The following ZC3H13 variants were observed in gnomAD, a reference collection of about 807,000 sequenced individuals.
The protein encoded by ZC3H13 is zinc finger CCCH-type containing 13.
A neutral mutation model predicts 204.1 loss-of-function variants in ZC3H13; 64 were observed. The ratio of observed to expected loss-of-function variants is 0.31; its 90% CI spans 0.26 to 0.39. The LOEUF (loss-of-function observed/expected upper bound fraction) is 0.39, where lower values mean the gene tolerates loss of function less well. Among genes scored for constraint, ZC3H13 ranks in the 10% least tolerant of loss-of-function variants. The pLI is 1.00. For synonymous variants in ZC3H13, 667 were observed against 693.7 expected (o/e 0.96, Z 0.60); for missense variants, 1,833 against 2,082.7 (o/e 0.88, Z 2.33).
At chr13:45,983,798 A>G (rs564625750) in intron 10 of ZC3H13, among the ~76,000 whole-genome samples, 22 of 152,198 alleles carry the variant, frequency 1.4e-4, no homozygotes, top group Non-Finnish European at 3.1e-4. Flanking sequence ...TAATAATCAG[A>G]AAAGAAGAGC....
chr13:45,962,712 T>A, intron 17 of ZC3H13: 1 of 981,792 alleles, frequency 1.0e-6, no homozygotes, highest in Non-Finnish European at 1.2e-6. Flanking sequence ...AAACAATATT[T>A]TTTTATTTTG....
At chr13:46,008,413 T>C (rs1442505431) in intron 7 of ZC3H13, among the ~76,000 whole-genome samples, 1 of 152,142 alleles carries the variant, frequency 6.6e-6, no homozygotes, top group Non-Finnish European at 1.5e-5. Context: ...GCTTTTATTA[T>C]TAAATTAACG....
rs571348201 is a variant in ZC3H13, at chr13:45,961,133, G to GT, written c.4676-1488dup. Among the ~76,000 whole-genome samples the GT allele has an allele frequency of 2.7e-4, 41 of 152,162 alleles. No individual in the cohort carries two copies. In the South Asian group the frequency reaches 7.9e-3, roughly 29 times the overall value. ...AATACCTTAAGGGAAAAAAGGGGCAGTTTTTTCAGATGATTCAGATATACC... is the reference window on the plus strand; with the variant it reads ...AATACCTTAAGGGAAAAAAGGGGCAGTTTTTTTCAGATGATTCAGATATACC... On this transcript the variant is annotated intron_variant, in intron 17 of 18. Coordinates refer to ENST00000679008, the MANE Select transcript of ZC3H13 (RefSeq NM_001330564.2).
chr13:45,979,438 G>C (rs1360104398), intron 11 of ZC3H13, among the ~76,000 whole-genome samples: 2 of 151,880 alleles, frequency 1.3e-5, no homozygotes, highest in Non-Finnish European at 2.9e-5. Flanking sequence ...ATTGATCATA[G>C]CAAATGAGTG....
At chr13:45,965,222 T>A in intron 16 of ZC3H13, 58 bp downstream of exon 16, 1 of 1,569,482 alleles carries the variant, frequency 6.4e-7, no homozygotes, top group South Asian at 1.2e-5. Flanking sequence ...AAGGTAATAA[T>A]ACTTTAATAT....
intron 6 of ZC3H13, 89 bp from the exon 7 acceptor site, chr13:46,010,594 A>C: frequency 7.3e-7 from 1 of 1,377,338 alleles, no homozygotes; most frequent in East Asian, 2.3e-5. Flanking sequence ...ACCAAACTTC[A>C]GATTAAAATT....
chr13:45,973,146 T>A (rs1952726473), intron 12 of ZC3H13, among the ~76,000 whole-genome samples: 1 of 152,160 alleles, frequency 6.6e-6, no homozygotes, highest in African/African-American at 2.4e-5. Flanking sequence ...GTGTTATATA[T>A]CAAGAGATAA....
intron 7 of ZC3H13, chr13:46,010,034 T>A (rs1430263184): frequency 1.7e-5 from 3 of 178,954 alleles, no homozygotes. Context: ...GCAGAACACA[T>A]ATTAGTTAAA....
intron 3 of ZC3H13, among the ~76,000 whole-genome samples, chr13:46,044,456 T>C (rs2043806641): frequency 6.6e-6 from 1 of 152,098 alleles, no homozygotes; most frequent in South Asian, 2.1e-4. Context: ...ATATGGAGCA[T>C]ATTCATCCAC....
chr13:46,046,325 T>C (rs1445657761), intron 1 of ZC3H13, among the ~76,000 whole-genome samples: 3 of 152,134 alleles, frequency 2.0e-5, no homozygotes, highest in African/African-American at 7.2e-5. Flanking sequence ...TTTATTTTAT[T>C]TTACGTTTAA....
chr13:46,042,078 A>G, intron 4 of ZC3H13, 86 bp downstream of exon 4: 3 of 1,037,000 alleles, frequency 2.9e-6, no homozygotes, highest in Non-Finnish European at 4.5e-6. Flanking sequence ...CATTTACCAT[A>G]TATTTAGCAC....
In ZC3H13 at chr13:45,968,763, G is replaced by T; in HGVS notation, c.3781C>A (p.Arg1261=). ...IDQLKRGEPS[R]STSSDRQDSR... ...ATTTTATTACCTGAAGAAGTACTTC[G>T]ACTGGGTTCTCCACGCTTTAACTGA... is the stretch of plus-strand genomic sequence containing the variant. The change falls in exon 14 of 19, where the codon CGA becomes AGA. Residue 1261 remains arginine (R), a synonymous_variant. Coordinates refer to ENST00000679008, the MANE Select transcript of ZC3H13 (RefSeq NM_001330564.2). 6.3e-7 allele frequency: 1 copy of T among 1,591,022 alleles called. No homozygotes were observed. The highest frequency in any genetic ancestry group is 1.2e-5 in the South Asian group (1 of 86,946).
intron 7 of ZC3H13, among the ~76,000 whole-genome samples, chr13:46,004,055 C>G (rs1435748388): frequency 6.6e-6 from 1 of 151,898 alleles, no homozygotes; most frequent in East Asian, 1.9e-4. Flanking sequence ...AGTGAAAAGG[C>G]AACTTATAGA....
At chr13:45,973,009 A>G (rs576805193) in intron 12 of ZC3H13, among the ~76,000 whole-genome samples, 1 of 152,342 alleles carries the variant, frequency 6.6e-6, no homozygotes, top group South Asian at 2.1e-4. Flanking sequence ...TGTAATGTTG[A>G]TACAGGAGTT....
Position 45,969,879 on chromosome 13 carries a change from A to C in ZC3H13, c.2665T>G (p.Trp889Gly). 6.2e-7 allele frequency: 1 copy of C among 1,613,734 alleles called. No homozygotes were observed. ...SHLTEDRQGR[W>G]KEEDRKPERK... ...TCTGGTTTACGATCCTCCTCTTTCC[A>C]TCTACCCTGTCTGTCTTCTGTGAGG... The change falls in exon 14 of 19, where the codon TGG (tryptophan) becomes GGG (glycine). Residue 889 changes from tryptophan (W) to glycine (G), a missense_variant. This residue lies in a region of ZC3H13 where 1,574 missense variants were observed against 1,757.2 expected (regional missense o/e 0.90). Coordinates refer to ENST00000679008, the MANE Select transcript of ZC3H13 (RefSeq NM_001330564.2).
chr13:46,038,893 G>A (rs191406590), intron 4 of ZC3H13, among the ~76,000 whole-genome samples: 342 of 152,136 alleles, frequency 2.2e-3, no homozygotes, highest in African/African-American at 3.6e-3. Flanking sequence ...GTGGTGGCAC[G>A]CACCTGTAAT....
At chr13:46,039,121 T>C (rs150933130) in intron 4 of ZC3H13, among the ~76,000 whole-genome samples, 7 of 152,334 alleles carry the variant, frequency 4.6e-5, no homozygotes, top group Admixed American at 3.3e-4. Context: ...CTGATCACTG[T>C]TGAAATTTGT....
At chr13:45,981,683 G>A (rs971424343) in intron 10 of ZC3H13, among the ~76,000 whole-genome samples, 6 of 152,118 alleles carry the variant, frequency 3.9e-5, no homozygotes, top group Non-Finnish European at 5.9e-5. Context: ...CATTCTGACT[G>A]GTGTGAGATG....
rs1360870887 is a variant in ZC3H13 at position 45,969,412 on chromosome 13, T to C, written c.3132A>G (p.Glu1044=). 1.9e-6 allele frequency: 3 copies of C among 1,614,006 alleles called. No homozygotes were observed. The highest frequency in any genetic ancestry group is 2.5e-6 in the Non-Finnish European group (3 of 1,180,000). Residue 1044 remains glutamate, a synonymous_variant, in exon 14 of 19, where the codon GAA becomes GAG. Transcript: ENST00000679008. ...GAATACCATTCTTACCATTGCACAT[T>C]TCAACCAATTCCTCTTTAGTTGTTA... The part of the protein sequence containing the change: ...PPITTKEELV[E]MCNGKNGILE...
Sources: gnomAD v4.1 joint callset for allele counts (sites outside exome capture counted in the v4.1 genomes callset) on GRCh38, gnomAD v4.1.1 for gene constraint, gnomAD v4.1.1 regional missense constraint, MANE v1.5 for transcripts, NCBI Gene and HGNC (gene_info 2026-07-23, HGNC 2026-07-21) for gene names.